Variants in LYST observed in about 807,000 individuals in gnomAD.
The protein encoded by LYST is lysosomal trafficking regulator, also known as lysosomal-trafficking regulator.
A neutral mutation model predicts 413.6 loss-of-function variants in LYST; 192 were observed. The ratio of observed to expected loss-of-function variants is 0.46; its 90% CI spans 0.41 to 0.52. The LOEUF (loss-of-function observed/expected upper bound fraction) is 0.52, where lower values mean the gene tolerates loss of function less well. LYST is among the 20% of genes least tolerant of loss of function. The pLI is 0.00. For missense variants in LYST, 3,815 were observed against 4,499.9 expected (o/e 0.85, Z 4.35); for synonymous variants, 1,525 against 1,567.3 (o/e 0.97, Z 0.64).
chr1:235,842,646 G>C (rs951980413), intron 1 of LYST, among the ~76,000 whole-genome samples: 3 of 152,146 alleles, frequency 2.0e-5, no homozygotes, highest in African/African-American at 7.2e-5. Flanking sequence ...AGGTTAACTT[G>C]TCTAATTAAG....
chr1:235,691,697 C>CTTTTT (rs774558822), intron 47 of LYST, among the ~76,000 whole-genome samples: 58,559 of 137,108 alleles, frequency 0.43, 13,794 homozygotes, highest in Non-Finnish European at 0.5. Flanking sequence ...ATCAGATTCT[C>CTTTTT]TCTTTTTTTT....
At chr1:235,740,006 A>G (rs1665204956) in intron 31 of LYST, among the ~76,000 whole-genome samples, 1 of 152,222 alleles carries the variant, frequency 6.6e-6, no homozygotes, top group African/African-American at 2.4e-5. Flanking sequence ...TTGAATTTTG[A>G]TGGATAGCAA....
intron 12 of LYST, chr1:235,791,455 A>T (rs1162952411): frequency 4.3e-6 from 2 of 463,590 alleles, no homozygotes; most frequent in Non-Finnish European, 7.9e-6. Context: ...TGATGACCCC[A>T]GAAAAAGTTG....
intron 1 of LYST, chr1:235,840,210 T>C (rs1047133511): frequency 6.6e-6 from 1 of 152,198 alleles, no homozygotes; most frequent in African/African-American, 2.4e-5. Context: ...TAGGGTACTA[T>C]GTACTGCTAA....
chr1:235,856,407 G>A (rs564391629), intron 1 of LYST, among the ~76,000 whole-genome samples: 4 of 152,270 alleles, frequency 2.6e-5, no homozygotes, highest in South Asian at 2.1e-4. Flanking sequence ...TCTCAGGCAA[G>A]GTGCTTAACC....
At chr1:235,718,456 C>A (rs1304477574) in intron 40 of LYST, among the ~76,000 whole-genome samples, 2 of 151,768 alleles carry the variant, frequency 1.3e-5, no homozygotes, top group Non-Finnish European at 2.9e-5. Flanking sequence ...GATTTTCATG[C>A]CTCAGCTTCC....
At chr1:235,707,856 G>C (rs12072398) in intron 44 of LYST, among the ~76,000 whole-genome samples, 6,637 of 152,020 alleles carry the variant, frequency 0.044, 500 homozygotes, top group African/African-American at 0.15. Context: ...GAATTGTTTT[G>C]GATTTCAGGG....
At chr1:235,829,561 AT>A (rs1675722818) in intron 3 of LYST, 1 of 152,210 alleles carries the variant, frequency 6.6e-6, no homozygotes, top group South Asian at 2.1e-4. Context: ...CTAAAATGAA[AT>A]AAAGATATAA....
intron 28 of LYST, among the ~76,000 whole-genome samples, chr1:235,750,316 A>C (rs895188762): frequency 2.0e-5 from 3 of 152,224 alleles, no homozygotes; most frequent in African/African-American, 7.2e-5. Context: ...TATTTATATA[A>C]GTTTGATTTA....
chr1:235,737,963 T>TAAAAAAAAAA, intron 31 of LYST: 7 of 1,346,184 alleles, frequency 5.2e-6, no homozygotes, highest in African/African-American at 4.4e-5. Context: ...GGACGTGCAT[T>TAAAAAAAAAA]CTCGATTCCT....
At chr1:235,782,138 A>G in intron 14 of LYST, 51 bp from the exon 15 acceptor site, 1 of 1,480,558 alleles carries the variant, frequency 6.8e-7, no homozygotes. Context: ...GAAGTCTAGT[A>G]CTAAGTATTT....
chr1:235,814,851 T>C (rs899398869), intron 3 of LYST, among the ~76,000 whole-genome samples: 1 of 152,136 alleles, frequency 6.6e-6, no homozygotes, highest in African/African-American at 2.4e-5. Context: ...TGATTCCTGT[T>C]GAGCTGTCCA....
intron 3 of LYST, among the ~76,000 whole-genome samples, chr1:235,824,996 G>A (rs987376802): frequency 6.6e-6 from 1 of 151,988 alleles, no homozygotes; most frequent in East Asian, 1.9e-4. Flanking sequence ...CTCCAGCCTG[G>A]GCGACAGAGT....
intron 47 of LYST, among the ~76,000 whole-genome samples, chr1:235,689,179 TCA>T (rs1156714661): frequency 6.6e-6 from 1 of 152,126 alleles, no homozygotes; most frequent in Non-Finnish European, 1.5e-5. Flanking sequence ...ACTCAAAGTA[TCA>T]CACAATGTCA....
At chr1:235,755,049 C>A (rs1352828098) in intron 25 of LYST, among the ~76,000 whole-genome samples, 1 of 140,940 alleles carries the variant, frequency 7.1e-6, no homozygotes, top group Non-Finnish European at 1.5e-5. Context: ...TCTCTGCACT[C>A]CAGCCTGGGT....
chr1:235,842,045 C>T (rs192697748), intron 1 of LYST, among the ~76,000 whole-genome samples: 27 of 152,090 alleles, frequency 1.8e-4, no homozygotes, highest in African/African-American at 6.3e-4. Flanking sequence ...TTCAGATTCA[C>T]CAGCAGGATT....
chr1:235,820,411 C>A (rs1045328840), intron 3 of LYST, among the ~76,000 whole-genome samples: 1 of 151,716 alleles, frequency 6.6e-6, no homozygotes, highest in South Asian at 2.1e-4. Context: ...ACTCTGTTAC[C>A]CAAGCTGGAC....
intron 17 of LYST, 59 bp from the exon 18 acceptor site, chr1:235,775,145 A>G: frequency 1.6e-6 from 2 of 1,238,582 alleles, no homozygotes; most frequent in Non-Finnish European, 2.4e-6. Context: ...TAAAAATTTA[A>G]CATGTATAAT....
At chr1:235,863,243 T>C (rs1680111501) in intron 1 of LYST, among the ~76,000 whole-genome samples, 1 of 151,520 alleles carries the variant, frequency 6.6e-6, no homozygotes, top group African/African-American at 2.4e-5. Flanking sequence ...ACACAAAAAA[T>C]CAGCCGGGTG....
Sources: gnomAD v4.1 joint callset for allele counts (sites outside exome capture counted in the v4.1 genomes callset) on GRCh38, gnomAD v4.1.1 for gene constraint, MANE v1.5 for transcripts, NCBI Gene and HGNC (gene_info 2026-07-23, HGNC 2026-07-21) for gene names.